GSTCD: variants seen among roughly 807,000 people sequenced by gnomAD.
The protein encoded by GSTCD is glutathione S-transferase C-terminal domain-containing protein.
Under a neutral mutation model 68.3 loss-of-function variants are expected in GSTCD, and 44 were observed. The observed-to-expected ratio is 0.64, with a 90% confidence interval of 0.51 to 0.83. GSTCD has a LOEUF of 0.83. GSTCD is among the 40% of genes least tolerant of loss of function. GSTCD has a pLI of 0.00. For missense variants in GSTCD, 739 were observed against 735.9 expected (o/e 1.00, Z -0.05); for synonymous variants, 273 against 255.2 (o/e 1.07, Z -0.67).
At chr4:105,773,619 C>G (rs568146308) in intron 5 of GSTCD, among the ~76,000 whole-genome samples, 43 of 152,270 alleles carry the variant, frequency 2.8e-4, no homozygotes, top group African/African-American at 1.0e-3. Context: ...GTTATTTACC[C>G]TGTAGTCACT....
At chr4:105,725,283 A>C (rs974218299) in intron 3 of GSTCD, among the ~76,000 whole-genome samples, 5 of 152,140 alleles carry the variant, frequency 3.3e-5, no homozygotes, top group African/African-American at 9.6e-5. Flanking sequence ...TTTGGCAATT[A>C]TGAATAAAGA....
intron 5 of GSTCD, among the ~76,000 whole-genome samples, chr4:105,774,168 G>A (rs566152487): frequency 9.2e-5 from 14 of 152,244 alleles, no homozygotes; most frequent in African/African-American, 3.4e-4. Context: ...TCAGAGACTA[G>A]GATTGCAACC....
intron 1 of GSTCD, among the ~76,000 whole-genome samples, chr4:105,715,084 G>C (rs1179113724): frequency 6.6e-6 from 1 of 152,014 alleles, no homozygotes; most frequent in Non-Finnish European, 1.5e-5. Context: ...CTGCTTTCTT[G>C]AAACACTTAG....
At chr4:105,771,236 T>C (rs929061237) in intron 5 of GSTCD, among the ~76,000 whole-genome samples, 5 of 152,086 alleles carry the variant, frequency 3.3e-5, no homozygotes, top group African/African-American at 1.2e-4. Context: ...TTCTTGCAAA[T>C]TTGTTTAAGT....
rs1393872074 is a variant in GSTCD, at chr4:105,799,197, G to T, written c.1241-23757G>T. ...GAGTTAGGGCTTTGCTCTGGATTAG[G>T]CGTTTGTATAAGGGAATGTTTTGTC... On this transcript the variant is annotated intron_variant, in intron 5 of 11. Transcript: ENST00000515279. 2.0e-5 allele frequency among the ~76,000 whole-genome samples: 3 copies of T among 152,138 alleles called. 1 individual carries two copies. Among genetic ancestry groups the T allele is most frequent in the Admixed American group, 1.3e-4 (2 of 15,264 alleles).
In GSTCD at chr4:105,738,540, T is replaced by C. The variant is rs567446638; in HGVS notation, c.1240+9041T>C. Among the ~76,000 whole-genome samples, 101 of 152,324 alleles carry C rather than the reference T, an allele frequency of 6.6e-4. 1 individual carries two copies. Among genetic ancestry groups the C allele is most frequent in the African/African-American group, 2.3e-3 (96 of 41,584 alleles). On this transcript the variant is annotated intron_variant, in intron 5 of 11. Coordinates refer to ENST00000515279, the MANE Select transcript of GSTCD (RefSeq NM_001370181.1). The stretch of plus-strand genomic sequence containing the variant: ...ACATGGATATATTTATTTTTTTGTG[T>C]GTCCTCTTCAATTTCTTTTATCAGT...
At chr4:105,759,408 C>G (rs1734316984) in intron 5 of GSTCD, among the ~76,000 whole-genome samples, 1 of 151,996 alleles carries the variant, frequency 6.6e-6, no homozygotes, top group Non-Finnish European at 1.5e-5. Flanking sequence ...AGAGATGAAG[C>G]TCAAGGGACT....
intron 8 of GSTCD, among the ~76,000 whole-genome samples, chr4:105,826,895 G>A (rs1578515530): frequency 6.6e-6 from 1 of 151,966 alleles, no homozygotes. Context: ...ACCTTTTATA[G>A]TATTTCTGAT....
chr4:105,829,720 G>T (rs976194826), intron 8 of GSTCD, among the ~76,000 whole-genome samples: 9 of 152,084 alleles, frequency 5.9e-5, no homozygotes, highest in African/African-American at 2.2e-4. Context: ...TGAGATTTGG[G>T]TAGGGACATA....
At position 105,845,583 on chromosome 4, in the gene GSTCD, G is replaced by T; in HGVS notation, c.*6G>T. 1 of 1,613,868 alleles carries T rather than the reference G, an allele frequency of 6.2e-7. No homozygotes were observed. The highest frequency in any genetic ancestry group is 8.5e-7 in the Non-Finnish European group (1 of 1,179,918). On this transcript the variant is annotated 3_prime_UTR_variant, in exon 12 of 12. Transcript: ENST00000515279. ...TTGTGGGAGTCCCCATTTAAAATGA[G>T]ATATTCACATTTGATATTTTGCCAT...
chr4:105,711,607 T>A (rs1236837762), intron 1 of GSTCD, among the ~76,000 whole-genome samples: 2 of 152,238 alleles, frequency 1.3e-5, no homozygotes, highest in Non-Finnish European at 2.9e-5. Flanking sequence ...GGACTTAATA[T>A]GTGACAAGCT....
rs1280393283 is a variant in GSTCD at position 105,761,666 on chromosome 4, G to A, written c.1240+32167G>A. 2.0e-5 allele frequency: 3 copies of A among 152,016 alleles called. No homozygotes were observed. In the South Asian group the frequency reaches 6.2e-4, roughly 32 times the overall value. 9.4% of individuals were successfully genotyped at this position (152,016 alleles called of 1,614,324 possible). A position where few individuals can be genotyped will look rare whatever the true frequency, so the allele number is the denominator to read the frequency against. On this transcript the variant is annotated intron_variant, in intron 5 of 11. Transcript: ENST00000515279. ...TTTTTCATAATATAATAAAAACCTG[G>A]CATTTCCGTGAAGTTGACTTACTGG...
At chr4:105,790,462 G>A (rs1735621323) in intron 5 of GSTCD, among the ~76,000 whole-genome samples, 1 of 152,046 alleles carries the variant, frequency 6.6e-6, no homozygotes, top group South Asian at 2.1e-4. Flanking sequence ...AACATAGTAA[G>A]ATTTTTGTCT....
At chr4:105,712,535 T>C (rs1241642452) in intron 1 of GSTCD, 1 of 152,250 alleles carries the variant, frequency 6.6e-6, no homozygotes, top group Non-Finnish European at 1.5e-5. Flanking sequence ...TTGGATGGTT[T>C]TGAGCACGAG....
rs546340727 is a variant in GSTCD, at chr4:105,788,349, T to G, written c.1241-34605T>G. 3.9e-5 allele frequency among the ~76,000 whole-genome samples: 6 copies of G among 152,154 alleles called. No homozygotes were observed. The East Asian group carries it at 1.2e-3, about 29-fold the overall frequency. ...AATAGTTAAACCAGTTTTCCCAAAG[T>G]CACAAAGTTAAAAAATGGCAAAGTT... On this transcript the variant is annotated intron_variant, in intron 5 of 11. Coordinates refer to ENST00000515279, the MANE Select transcript of GSTCD (RefSeq NM_001370181.1).
intron 10 of GSTCD, chr4:105,840,439 A>G (rs1724291239): frequency 4.3e-6 from 1 of 231,316 alleles, no homozygotes. Flanking sequence ...ATACAAGTTT[A>G]GACAAAGATA....
Position 105,719,206 on chromosome 4 carries a change from T to G in GSTCD, c.573T>G (p.Asn191Lys). Residue 191 changes from asparagine to lysine, a missense_variant, in exon 3 of 12, where the codon AAT becomes AAG. Coordinates refer to ENST00000515279, the MANE Select transcript of GSTCD (RefSeq NM_001370181.1). ...KKLSEPVRVH[N>K]DDKLRRQKLK... ...TTAGTGAGCCTGTTAGAGTGCATAA[T>G]GATGATAAACTCCGCAGGCAGAAGC... is the stretch of plus-strand genomic sequence containing the variant. 6.2e-7 allele frequency: 1 copy of G among 1,614,056 alleles called. No homozygotes were observed. The highest frequency in any genetic ancestry group is 8.5e-7 in the Non-Finnish European group (1 of 1,180,002).
Position 105,717,726 on chromosome 4 carries a change from T to A in GSTCD, c.113T>A (p.Leu38Ter). The A allele has an allele frequency of 6.2e-7, 1 of 1,613,828 alleles. No individual in the cohort carries two copies. Among genetic ancestry groups the A allele is most frequent in the Non-Finnish European group, 8.5e-7 (1 of 1,179,754 alleles). The change falls in exon 2 of 12, where the codon TTA becomes TAA. Residue 38 changes from leucine (L) to a stop codon, truncating the protein, a stop_gained. Transcript: ENST00000515279. LOFTEE classifies it high-confidence loss of function. ...CATACATCTGTAACTTTATTTCTGT[T>A]ATCTTACTGTGACTGTAAAATCTTT... ...PLHTSVTLFLLSYCDCKIFKI... is the reference protein window; with the variant it reads ...PLHTSVTLFL
At chr4:105,720,501 G>A (rs766936307) in intron 3 of GSTCD, among the ~76,000 whole-genome samples, 43 of 152,170 alleles carry the variant, frequency 2.8e-4, no homozygotes, top group Admixed American at 9.8e-4. Flanking sequence ...AAGTAAACTC[G>A]GCAGTATTCA....
Sources: gnomAD v4.1 joint callset for allele counts (sites outside exome capture counted in the v4.1 genomes callset) on GRCh38, gnomAD v4.1.1 for gene constraint, MANE v1.5 for transcripts, NCBI Gene and HGNC (gene_info 2026-07-23, HGNC 2026-07-21) for gene names.